Variants in GPC5 observed in about 807,000 individuals in gnomAD.
The protein encoded by GPC5 is glypican-5.
Under a neutral mutation model 53.9 loss-of-function variants are expected in GPC5, and 47 were observed. The observed-to-expected ratio is 0.87, with a 90% CI of 0.69 to 1.11. The LOEUF (loss-of-function observed/expected upper bound fraction) is 1.11. Among genes scored for constraint, GPC5 ranks in the 50% most tolerant of loss-of-function variants. The probability of loss-of-function intolerance (pLI) is 0.00; values close to 1 mark genes in which losing one functional copy is unlikely to be tolerated. For missense variants in GPC5, 748 were observed against 713.1 expected (o/e 1.05, Z -0.56); for synonymous variants, 286 against 263.3 (o/e 1.09, Z -0.84).
In GPC5 at chr13:91,780,095, C is replaced by T. The variant is rs184808373; in HGVS notation, c.1280+23675C>T. 1.9e-4 allele frequency among the ~76,000 whole-genome samples: 29 copies of T among 152,276 alleles called. 1 individual carries two copies. The highest frequency in any genetic ancestry group is 7.8e-4 in the Admixed American group (12 of 15,300). Reference sequence around the variant, plus strand: ...AACACCAAACATGTGAGTAACATTGCACTATGATGTTATAAAGGCTACGGT... The same window carrying T: ...AACACCAAACATGTGAGTAACATTGTACTATGATGTTATAAAGGCTACGGT... On this transcript the variant is annotated intron_variant, in intron 5 of 7. Transcript: ENST00000377067.
intron 6 of GPC5, among the ~76,000 whole-genome samples, chr13:92,079,569 G>A (rs1208129801): frequency 1.3e-5 from 2 of 152,136 alleles, no homozygotes; most frequent in African/African-American, 4.8e-5. Context: ...CTCAGTGTCT[G>A]CCATGCCAGG....
At chr13:91,469,111 T>C (rs1018208647) in intron 2 of GPC5, among the ~76,000 whole-genome samples, 2 of 151,978 alleles carry the variant, frequency 1.3e-5, no homozygotes, top group African/African-American at 4.8e-5. Flanking sequence ...TCTCTCTTCC[T>C]TTTCTTTCTT....
intron 7 of GPC5, among the ~76,000 whole-genome samples, chr13:92,209,440 G>A (rs897170227): frequency 3.3e-5 from 5 of 152,154 alleles, no homozygotes; most frequent in African/African-American, 1.2e-4. Flanking sequence ...GTGGCAGAGT[G>A]TGAGATTGAA....
chr13:92,003,929 AC>A (rs1446516505), intron 6 of GPC5, among the ~76,000 whole-genome samples: 2 of 152,178 alleles, frequency 1.3e-5, no homozygotes, highest in Non-Finnish European at 2.9e-5. Context: ...ATAATCTCTC[AC>A]TGCTGCCAGA....
At chr13:91,999,159 A>G (rs976794903) in intron 6 of GPC5, among the ~76,000 whole-genome samples, 1 of 151,988 alleles carries the variant, frequency 6.6e-6, no homozygotes, top group Non-Finnish European at 1.5e-5. Flanking sequence ...GAGAAATTTA[A>G]TCTCATTTTA....
intron 7 of GPC5, among the ~76,000 whole-genome samples, chr13:92,528,930 A>G (rs1490289405): frequency 6.6e-6 from 1 of 152,080 alleles, no homozygotes; most frequent in Non-Finnish European, 1.5e-5. Flanking sequence ...TTGCAGGATA[A>G]GAACTGTGAA....
At chr13:92,649,018 A>G (rs1206261618) in intron 7 of GPC5, among the ~76,000 whole-genome samples, 3 of 152,120 alleles carry the variant, frequency 2.0e-5, no homozygotes, top group Non-Finnish European at 4.4e-5. Flanking sequence ...TTCGTGTATA[A>G]TAGTCACCTT....
chr13:92,645,308 C>A (rs371222014), intron 7 of GPC5, among the ~76,000 whole-genome samples: 1 of 152,086 alleles, frequency 6.6e-6, no homozygotes, highest in South Asian at 2.1e-4. Context: ...CCATGCCTGG[C>A]TAATTTCTGT....
At chr13:91,938,635 C>T (rs2039893886) in intron 6 of GPC5, among the ~76,000 whole-genome samples, 1 of 152,092 alleles carries the variant, frequency 6.6e-6, no homozygotes, top group African/African-American at 2.4e-5. Context: ...CCAGAAGATT[C>T]AGGGATGGAA....
intron 7 of GPC5, among the ~76,000 whole-genome samples, chr13:92,292,002 G>A (rs1054683301): frequency 3.3e-5 from 5 of 152,152 alleles, no homozygotes; most frequent in African/African-American, 4.8e-5. Flanking sequence ...AAGGGTCCGC[G>A]GCTTCATTCT....
In GPC5 at chr13:92,512,249, TGC is replaced by T. The variant is rs141496625; in HGVS notation, c.1562-354019_1562-354018del. On this transcript the variant is annotated intron_variant, in intron 7 of 7. Coordinates refer to ENST00000377067, the MANE Select transcript of GPC5 (RefSeq NM_004466.6). ...TGTAGATTGTATGTGTGTGTGTGTG[TGC>T]GCGCGCGCGCGCGTACGCTGTGTGC... Among the ~76,000 whole-genome samples, 750 of 149,534 alleles carry T rather than the reference TGC, an allele frequency of 5.0e-3. 7 individuals carry two copies. Among genetic ancestry groups the T allele is most frequent in the African/African-American group, 0.016 (669 of 40,820 alleles).
At chr13:91,608,614 A>G (rs2033448550) in intron 2 of GPC5, among the ~76,000 whole-genome samples, 1 of 152,156 alleles carries the variant, frequency 6.6e-6, no homozygotes. Flanking sequence ...CTAATTTCAG[A>G]GGGAGCTGAA....
intron 2 of GPC5, among the ~76,000 whole-genome samples, chr13:91,586,539 TATATATATATATATATATATATGTAG>T (rs1267704647): frequency 5.0e-5 from 2 of 40,238 alleles, no homozygotes; most frequent in Non-Finnish European, 7.7e-5. Flanking sequence ...TATATATATA[TATATATATATATATATATATATGTAG>T]AGAGAGAGAG....
At chr13:92,576,487 G>C (rs998014566) in intron 7 of GPC5, among the ~76,000 whole-genome samples, 1 of 152,120 alleles carries the variant, frequency 6.6e-6, no homozygotes, top group Non-Finnish European at 1.5e-5. Flanking sequence ...AAGCTGTGTG[G>C]CACTTCTGCT....
At chr13:91,557,165 G>A (rs1178255218) in intron 2 of GPC5, among the ~76,000 whole-genome samples, 1 of 151,868 alleles carries the variant, frequency 6.6e-6, no homozygotes, top group Non-Finnish European at 1.5e-5. Flanking sequence ...TTACCTTCTT[G>A]CCAGCTATGT....
chr13:91,430,837 G>A (rs1879393875), intron 1 of GPC5, among the ~76,000 whole-genome samples: 1 of 152,046 alleles, frequency 6.6e-6, no homozygotes, highest in South Asian at 2.1e-4. Context: ...GTGGCAGTGG[G>A]GGTTCCCTAT....
intron 7 of GPC5, among the ~76,000 whole-genome samples, chr13:92,783,862 T>C (rs1313279283): frequency 6.6e-6 from 1 of 152,102 alleles, no homozygotes; most frequent in Non-Finnish European, 1.5e-5. Flanking sequence ...TTAAGAAGAA[T>C]GTGTCATACA....
chr13:91,487,180 G>A (rs796295464), intron 2 of GPC5, among the ~76,000 whole-genome samples: 16 of 152,230 alleles, frequency 1.1e-4, no homozygotes, highest in African/African-American at 3.9e-4. Flanking sequence ...TGCACAAGGG[G>A]TGGAGATGGG....
At chr13:92,381,955 T>A (rs1399764894) in intron 7 of GPC5, among the ~76,000 whole-genome samples, 1 of 93,094 alleles carries the variant, frequency 1.1e-5, no homozygotes. Flanking sequence ...AATATCTATG[T>A]ATGTATGTAT....
Sources: gnomAD v4.1 joint callset for allele counts (sites outside exome capture counted in the v4.1 genomes callset) on GRCh38, gnomAD v4.1.1 for gene constraint, MANE v1.5 for transcripts, NCBI Gene and HGNC (gene_info 2026-07-23, HGNC 2026-07-21) for gene names.